HEPACAM2: variants seen among roughly 807,000 people sequenced by gnomAD.
The protein encoded by HEPACAM2 is HEPACAM family member 2, also known as mitotic kinetics regulator.
HEPACAM2 carries 49 observed loss-of-function variants against 49.6 expected under a neutral mutation model. The observed-to-expected ratio is 0.99, with a 90% CI of 0.78 to 1.25. The LOEUF is 1.25. HEPACAM2 is among the 50% of genes most tolerant of loss of function. The probability of loss-of-function intolerance (pLI) is 0.00; values close to 1 mark genes in which losing one functional copy is unlikely to be tolerated. For synonymous variants in HEPACAM2, 197 were observed against 202.9 expected (o/e 0.97, Z 0.25); for missense variants, 525 against 557.2 (o/e 0.94, Z 0.58).
At position 93,197,373 on chromosome 7, in the gene HEPACAM2, C is replaced by G; in HGVS notation, c.1163G>C (p.Arg388Thr). 1.3e-6 allele frequency: 2 copies of G among 1,598,024 alleles called. No individual in the cohort carries two copies. Among genetic ancestry groups the G allele is most frequent in the Non-Finnish European group, 1.7e-6 (2 of 1,172,526 alleles). ...ATTTTCATAGAAACAGATGCATTACCTGCCTTCTAGTTTCTGTTTTATAAC... is the reference window on the plus strand; with the variant it reads ...ATTTTCATAGAAACAGATGCATTACGTGCCTTCTAGTTTCTGTTTTATAAC... ...YKVIKQKLEG[R>T]PETEYRKAQT... Residue 388 changes from arginine (R) to threonine (T), a missense_variant and splice_region_variant, in exon 6 of 10, where the codon AGG (arginine) becomes ACG (threonine). Arg to Thr is a moderately conservative substitution (Grantham distance 71). Coordinates refer to ENST00000394468, the MANE Select transcript of HEPACAM2 (RefSeq NM_001039372.4).
At chr7:93,208,521 T>C in intron 4 of HEPACAM2, 59 bp downstream of exon 4, 1 of 1,435,560 alleles carries the variant, frequency 7.0e-7, no homozygotes, top group South Asian at 1.3e-5. Context: ...ATAGGGGAAG[T>C]GCAAGGCCAG....
intron 4 of HEPACAM2, among the ~76,000 whole-genome samples, chr7:93,199,795 A>C (rs1469008587): frequency 6.6e-6 from 1 of 151,950 alleles, no homozygotes; most frequent in Non-Finnish European, 1.5e-5. Context: ...TTTTTCCCTC[A>C]TTTCCTCAAG....
chr7:93,212,328 G>A (rs1794196244), intron 3 of HEPACAM2, among the ~76,000 whole-genome samples: 1 of 151,846 alleles, frequency 6.6e-6, no homozygotes, highest in Non-Finnish European at 1.5e-5. Flanking sequence ...TCTTCTGTCT[G>A]TTTTATTTAT....
In HEPACAM2 at chr7:93,188,715, G is replaced by A. The variant is rs1401208302; in HGVS notation, c.*552C>T. 1 of 269,348 alleles carries A rather than the reference G, an allele frequency of 3.7e-6. No homozygotes were observed. Among genetic ancestry groups the A allele is most frequent in the Non-Finnish European group, 6.9e-6 (1 of 145,360 alleles). The allele number at this position is 269,348 out of a possible 1,614,324, so 16.7% of individuals were successfully genotyped here. ...AATACTACTGGTGATTGAAAAAAAA[G>A]AGAAGGCATAGTTTTGTTTTTGTGA... On this transcript the variant is annotated 3_prime_UTR_variant, in exon 10 of 10. Coordinates refer to ENST00000394468, the MANE Select transcript of HEPACAM2 (RefSeq NM_001039372.4).
rs1266920377 is a variant in HEPACAM2, at chr7:93,225,899, A to G, written c.79+469T>C. On this transcript the variant is annotated intron_variant, in intron 1 of 9. Coordinates refer to ENST00000394468, the MANE Select transcript of HEPACAM2 (RefSeq NM_001039372.4). ...GAATCTTACCTTTCTTCCATATTTCATAAGATGAGACAGATAACTTAAAAC... is the reference window on the plus strand; with the variant it reads ...GAATCTTACCTTTCTTCCATATTTCGTAAGATGAGACAGATAACTTAAAAC... 3 of 1,409,460 alleles carry G rather than the reference A, an allele frequency of 2.1e-6. No individual in the cohort carries two copies. In the Admixed American group the frequency reaches 7.2e-5, roughly 34 times the overall value. The allele number at this position is 1,409,460 out of a possible 1,614,324, so 87.3% of individuals were successfully genotyped here. A position where few individuals can be genotyped will look rare whatever the true frequency, so the allele number is the denominator to read the frequency against.
At chr7:93,190,544 T>A (rs1793517066) in intron 9 of HEPACAM2, among the ~76,000 whole-genome samples, 1 of 151,980 alleles carries the variant, frequency 6.6e-6, no homozygotes, top group Non-Finnish European at 1.5e-5. Context: ...TGTCACTCAG[T>A]TTGGGCTGGT....
intron 1 of HEPACAM2, among the ~76,000 whole-genome samples, chr7:93,220,214 A>AT (rs1427408011): frequency 6.6e-6 from 1 of 152,130 alleles, no homozygotes; most frequent in Non-Finnish European, 1.5e-5. Flanking sequence ...GAAAAGGGCT[A>AT]TTTTTTTAAA....
intron 2 of HEPACAM2, among the ~76,000 whole-genome samples, chr7:93,218,879 A>C (rs551915124): frequency 1.3e-5 from 2 of 152,322 alleles, no homozygotes; most frequent in African/African-American, 4.8e-5. Context: ...TTGATTACCT[A>C]TTGCACTAGG....
intron 4 of HEPACAM2, among the ~76,000 whole-genome samples, chr7:93,200,990 A>G (rs768086867): frequency 1.6e-4 from 25 of 152,096 alleles, no homozygotes; most frequent in Non-Finnish European, 3.4e-4. Flanking sequence ...ATGACAGTTC[A>G]CTGAATGTGC....
In HEPACAM2 at chr7:93,192,381, T is replaced by C. The variant is rs779404290; in HGVS notation, c.1276-18A>G. On this transcript the variant is annotated intron_variant, in intron 8 of 9. Coordinates refer to ENST00000394468, the MANE Select transcript of HEPACAM2 (RefSeq NM_001039372.4). ...CTTGGGATCTAGAAAATGTGATACA[T>C]TAAAAATAAATTATCTCAAGACTAG... 2 of 1,573,040 alleles carry C rather than the reference T, an allele frequency of 1.3e-6. No individual in the cohort carries two copies. Among genetic ancestry groups the C allele is most frequent in the South Asian group, 1.1e-5 (1 of 89,716 alleles).
intron 4 of HEPACAM2, 45 bp from the exon 5 acceptor site, chr7:93,197,655 T>C (rs1216298609): frequency 1.4e-6 from 2 of 1,424,814 alleles, no homozygotes; most frequent in Non-Finnish European, 1.9e-6. Flanking sequence ...ATTGCTACAG[T>C]ATATAACTTG....
At chr7:93,228,864 G>GGTGTGTGTGTGT (rs61092223), upstream of HEPACAM2, among the ~76,000 whole-genome samples, 1 of 149,720 alleles carries the variant, frequency 6.7e-6, no homozygotes, top group African/African-American at 2.4e-5. Context: ...TGTGCAGGAG[G>GGTGTGTGTGTGT]GTGTGTGTGT....
At chr7:93,227,920 ACTCTAAGTGCTC>A (rs1203144054), upstream of HEPACAM2, among the ~76,000 whole-genome samples, 3 of 152,162 alleles carry the variant, frequency 2.0e-5, no homozygotes, top group African/African-American at 7.2e-5. Flanking sequence ...AGAAAACAAA[ACTCTAAGTGCTC>A]CTTGGCCCGT....
At chr7:93,212,439 A>G (rs1410821222) in intron 3 of HEPACAM2, among the ~76,000 whole-genome samples, 2 of 151,748 alleles carry the variant, frequency 1.3e-5, no homozygotes, top group African/African-American at 4.8e-5. Context: ...ACTTTGAAGC[A>G]TTTCAGTTCC....
chr7:93,194,303 T>A (rs1793628296), intron 8 of HEPACAM2, among the ~76,000 whole-genome samples: 1 of 152,098 alleles, frequency 6.6e-6, no homozygotes, highest in Admixed American at 6.6e-5. Context: ...TTATTTTAAA[T>A]AAAAAAACTG....
intron 9 of HEPACAM2, 21 bp downstream of exon 9, chr7:93,192,233 C>A (rs1793568248): frequency 6.4e-7 from 1 of 1,560,652 alleles, no homozygotes; most frequent in Non-Finnish European, 8.8e-7. Context: ...ATAGCACCAT[C>A]AAATGCAGAT....
chr7:93,196,827 C>T (rs1793737407), intron 7 of HEPACAM2, among the ~76,000 whole-genome samples: 1 of 152,092 alleles, frequency 6.6e-6, no homozygotes, highest in Non-Finnish European at 1.5e-5. Flanking sequence ...TCTTCTTTTC[C>T]TCTTCTCTTT....
chr7:93,208,992 G>A (rs1794108052), intron 3 of HEPACAM2, 116 bp from the exon 4 acceptor site: 1 of 779,286 alleles, frequency 1.3e-6, no homozygotes, highest in Non-Finnish European at 2.0e-6. Flanking sequence ...CTTAGAATTG[G>A]ACGAGCAGGT....
intron 9 of HEPACAM2, 30 bp from the exon 10 acceptor site, chr7:93,189,300 C>T (rs1284321678): frequency 1.3e-6 from 2 of 1,557,128 alleles, no homozygotes; most frequent in Non-Finnish European, 8.7e-7. Flanking sequence ...AATATGTAAA[C>T]AGTTCTATAG....
Sources: gnomAD v4.1 joint callset for allele counts (sites outside exome capture counted in the v4.1 genomes callset) on GRCh38, gnomAD v4.1.1 for gene constraint, MANE v1.5 for transcripts, NCBI Gene and HGNC (gene_info 2026-07-23, HGNC 2026-07-21) for gene names.